Variants in ZMYM1 observed in about 807,000 individuals in gnomAD.
ZMYM1 encodes zinc finger MYM-type containing 1.
A neutral mutation model predicts 60.0 loss-of-function variants in ZMYM1; 39 were observed. The ratio of observed to expected loss-of-function variants is 0.65; its 90% CI spans 0.50 to 0.85. ZMYM1 has a LOEUF of 0.85. ZMYM1 is among the 40% of genes least tolerant of loss of function. The pLI, the probability that ZMYM1 is intolerant of heterozygous loss-of-function variation, is 0.00. For missense variants in ZMYM1, 1,171 were observed against 1,309.5 expected (o/e 0.89, Z 1.63); for synonymous variants, 413 against 454.0 (o/e 0.91, Z 1.15).
intron 1 of ZMYM1, among the ~76,000 whole-genome samples, chr1:35,073,376 A>AGG (rs71571790): frequency 6.3e-5 from 5 of 79,928 alleles, no homozygotes; most frequent in South Asian, 4.7e-4. Flanking sequence ...GAAGGAAGGA[A>AGG]AGAAAGGAAA....
Position 35,083,323 on chromosome 1 carries a change from T to C in ZMYM1, c.-75+3881T>C, listed in dbSNP as rs766897459. 6.8e-4 allele frequency among the ~76,000 whole-genome samples: 104 copies of C among 151,996 alleles called. 1 individual carries two copies. The highest frequency in any genetic ancestry group is 1.9e-4 in the Non-Finnish European group (13 of 67,998). On this transcript the variant is annotated intron_variant, in intron 1 of 9. Transcript: ENST00000359858. ...ATACCATCATACCCAGCTAATCTTT[T>C]AATTGTTTTTAGAGATGGGGGTCTC...
At chr1:35,068,940 G>A (rs1355276667) in intron 1 of ZMYM1, among the ~76,000 whole-genome samples, 2 of 151,950 alleles carry the variant, frequency 1.3e-5, no homozygotes, top group Non-Finnish European at 2.9e-5. Context: ...AGGTTCCAGC[G>A]ATTCTCCTGC....
upstream of ZMYM1, chr1:35,079,292 T>C (rs577770287): frequency 2.0e-5 from 3 of 152,366 alleles, no homozygotes; most frequent in South Asian, 2.1e-4. Context: ...AAGTCGCTCT[T>C]CCCAATTCAG....
chr1:35,089,826 A>G (rs2148505676), intron 1 of ZMYM1, among the ~76,000 whole-genome samples: 1 of 131,412 alleles, frequency 7.6e-6, no homozygotes, highest in African/African-American at 2.8e-5. Context: ...GTTCACTGCA[A>G]GGTCTGCCTC....
In ZMYM1 at chr1:35,110,615, A is replaced by T. The variant is rs1324143268; in HGVS notation, c.961+168A>T. 2.0e-5 allele frequency among the ~76,000 whole-genome samples: 3 copies of T among 152,264 alleles called. No individual in the cohort carries two copies. The East Asian group carries it at 5.8e-4, about 29-fold the overall frequency. The stretch of plus-strand genomic sequence containing the variant: ...TTTTCAGTATTTTTGTATAAAAGGA[A>T]GGCTACTTTACCACCAGAGATTTAA... On this transcript the variant is annotated intron_variant, in intron 7 of 9. Transcript: ENST00000359858.
intron 1 of ZMYM1, among the ~76,000 whole-genome samples, chr1:35,066,849 CA>C (rs200103638): frequency 1.3e-5 from 2 of 150,344 alleles, no homozygotes; most frequent in Non-Finnish European, 3.0e-5. Context: ...GACCCCATCT[CA>C]AAAAAAAATC....
chr1:35,108,699 ATTT>A (rs771920421), intron 6 of ZMYM1, among the ~76,000 whole-genome samples: 5 of 106,772 alleles, frequency 4.7e-5, no homozygotes, highest in Non-Finnish European at 5.9e-5. Flanking sequence ...TCCATCGGTG[ATTT>A]TTTTTTTTTT....
intron 4 of ZMYM1, among the ~76,000 whole-genome samples, chr1:35,101,724 T>C (rs1331247590): frequency 6.6e-6 from 1 of 151,932 alleles, no homozygotes; most frequent in African/African-American, 2.4e-5. Context: ...AAAATACTAA[T>C]GTTTTTAAAT....
At position 35,111,707 on chromosome 1, in the gene ZMYM1, A is replaced by T. The variant is rs186110976; in HGVS notation, c.962-65A>T. ...TTGCATTATTTCTTTAAACAGTATT[A>T]CTAAACAGTACTTTCTGATGATTGA... is the stretch of plus-strand genomic sequence containing the variant. On this transcript the variant is annotated intron_variant, in intron 7 of 9. Transcript: ENST00000359858. 3.1e-5 allele frequency: 45 copies of T among 1,442,754 alleles called. No individual in the cohort carries two copies. The African/African-American group carries it at 6.1e-4, about 20-fold the overall frequency. 89.4% of individuals were successfully genotyped at this position (1,442,754 alleles called of 1,614,324 possible).
At position 35,110,287 on chromosome 1, in the gene ZMYM1, TA is replaced by T; in HGVS notation, c.808-4del. On this transcript the variant is annotated splice_region_variant and splice_polypyrimidine_tract_variant and intron_variant, in intron 6 of 9. Coordinates refer to ENST00000359858, the MANE Select transcript of ZMYM1 (RefSeq NM_024772.5). ...GGAATATGAATATTATTTTAATCTC[TA>T]AACAGAAACCTGCCAAACCACTTAT... 6.6e-7 allele frequency: 1 copy of T among 1,506,744 alleles called. No individual in the cohort carries two copies. The highest frequency in any genetic ancestry group is 8.8e-7 in the Non-Finnish European group (1 of 1,132,620). 93.3% of individuals were successfully genotyped at this position (1,506,744 alleles called of 1,614,324 possible).
intron 4 of ZMYM1, among the ~76,000 whole-genome samples, chr1:35,098,302 GT>G (rs548316921): frequency 1.9e-3 from 288 of 152,186 alleles, no homozygotes; most frequent in Middle Eastern, 3.4e-3. Context: ...ATGTCTCTAT[GT>G]AATCTTTTAA....
chr1:35,104,253 G>A, intron 4 of ZMYM1, 42 bp from the exon 5 acceptor site: 1 of 1,455,752 alleles, frequency 6.9e-7, no homozygotes, highest in Non-Finnish European at 9.2e-7. Flanking sequence ...AGTTATAATT[G>A]TGTTTAAACT....
chr1:35,087,138 G>C (rs1451394793), intron 1 of ZMYM1, among the ~76,000 whole-genome samples: 1 of 151,164 alleles, frequency 6.6e-6, no homozygotes, highest in Non-Finnish European at 1.5e-5. Flanking sequence ...CTACAGGTGT[G>C]TGCCACCACA....
chr1:35,088,454 A>ATATATATGTGTGTGTG (rs1464546786), intron 1 of ZMYM1, among the ~76,000 whole-genome samples: 10 of 107,248 alleles, frequency 9.3e-5, no homozygotes, highest in African/African-American at 3.0e-4. Context: ...ATATATATAT[A>ATATATATGTGTGTGTG]TGTGTGTGTG....
intron 1 of ZMYM1, among the ~76,000 whole-genome samples, chr1:35,073,930 T>C (rs1464816191): frequency 1.3e-5 from 2 of 151,978 alleles, no homozygotes; most frequent in African/African-American, 4.8e-5. Flanking sequence ...ATTACAAGTG[T>C]GCGCTATCAT....
At chr1:35,091,975 G>C (rs1643037615) in intron 1 of ZMYM1, among the ~76,000 whole-genome samples, 1 of 151,920 alleles carries the variant, frequency 6.6e-6, no homozygotes, top group South Asian at 2.1e-4. Flanking sequence ...TCCCAGGCTG[G>C]AGTGCAATGG....
intron 1 of ZMYM1, among the ~76,000 whole-genome samples, chr1:35,083,155 T>G (rs890158192): frequency 1.3e-5 from 2 of 151,604 alleles, no homozygotes; most frequent in Middle Eastern, 3.2e-3. Flanking sequence ...TTATTGTTTC[T>G]TTTCTTTTTT....
Position 35,115,253 on chromosome 1 carries a change from A to C in ZMYM1, c.3423A>C (p.Glu1141Asp). Residue 1141 changes from glutamate (E) to aspartate (D), a missense_variant, in exon 10 of 10, where the codon GAA becomes GAC. Coordinates refer to ENST00000359858, the MANE Select transcript of ZMYM1 (RefSeq NM_024772.5). ...AAAAGTTTATCAGTCAGATGAAAGA[A>C]ATATAATACATGCTCATTTGAACTT... ...IVEKFISQMK[E>D]I 1 of 1,578,732 alleles carries C rather than the reference A, an allele frequency of 6.3e-7. No homozygotes were observed.
In ZMYM1 at chr1:35,114,292, A is replaced by T. The variant is rs1275790218; in HGVS notation, c.2462A>T (p.Asp821Val). Residue 821 changes from aspartate to valine, a missense_variant, in exon 10 of 10, where the codon GAC becomes GTC. Transcript: ENST00000359858. Reference sequence around the variant, plus strand: ...GATCGTACATTACTATCTGTGATTGACAGTCTTCCAGAGATTATTGAAACA... The same window carrying T: ...GATCGTACATTACTATCTGTGATTGTCAGTCTTCCAGAGATTATTGAAACA... The part of the protein sequence containing the change: ...VHDRTLLSVI[D>V]SLPEIIETLE... 2 of 1,613,792 alleles carry T rather than the reference A, an allele frequency of 1.2e-6. No individual in the cohort carries two copies. Among genetic ancestry groups the T allele is most frequent in the Non-Finnish European group, 1.7e-6 (2 of 1,179,836 alleles).
Sources: gnomAD v4.1 joint callset for allele counts (sites outside exome capture counted in the v4.1 genomes callset) on GRCh38, gnomAD v4.1.1 for gene constraint, MANE v1.5 for transcripts, NCBI Gene and HGNC (gene_info 2026-07-23, HGNC 2026-07-21) for gene names.